The following CLNK variants were observed in gnomAD, a reference collection of about 807,000 sequenced individuals.
CLNK encodes cytokine dependent hematopoietic cell linker.
In CLNK, 74 loss-of-function variants were observed where a neutral mutation model predicts 68.6. That is an observed-to-expected ratio of 1.08 (90% CI 0.89 to 1.31). The LOEUF (loss-of-function observed/expected upper bound fraction) is 1.31, where lower values mean the gene tolerates loss of function less well. Ranked by LOEUF, CLNK falls within the 50% of genes most tolerant of loss-of-function variation. The pLI is 0.00. For synonymous variants in CLNK, 198 were observed against 172.2 expected (o/e 1.15, Z -1.17); for missense variants, 553 against 515.3 (o/e 1.07, Z -0.71).
intron 2 of CLNK, among the ~76,000 whole-genome samples, chr4:10,608,956 T>G (rs1721898278): frequency 6.6e-6 from 1 of 152,228 alleles, no homozygotes; most frequent in East Asian, 1.9e-4. Flanking sequence ...CTTACATTTC[T>G]TCTTAGAAGA....
upstream of CLNK, chr4:10,684,782 T>A (rs1725209908): frequency 6.6e-6 from 1 of 152,180 alleles, no homozygotes; most frequent in African/African-American, 2.4e-5. Flanking sequence ...GTGGGTTGAA[T>A]TCTTCTCGAT....
chr4:10,663,622 A>G (rs1371582225), intron 2 of CLNK, among the ~76,000 whole-genome samples: 1 of 152,236 alleles, frequency 6.6e-6, no homozygotes, highest in Non-Finnish European at 1.5e-5. Context: ...ATATATACCC[A>G]TAGGTTCACA....
intron 14 of CLNK, among the ~76,000 whole-genome samples, chr4:10,522,013 C>T (rs1469884014): frequency 6.6e-6 from 1 of 152,080 alleles, no homozygotes; most frequent in Non-Finnish European, 1.5e-5. Flanking sequence ...AATCCCAGAA[C>T]TTTGGGAGGC....
chr4:10,662,759 AAG>A (rs1724242876), intron 2 of CLNK, among the ~76,000 whole-genome samples: 1 of 152,170 alleles, frequency 6.6e-6, no homozygotes, highest in African/African-American at 2.4e-5. Flanking sequence ...AAAATAAACT[AAG>A]ACAACTGTAG....
chr4:10,715,248 G>C, the CLNK span, among the ~76,000 whole-genome samples: 1 of 152,076 alleles, frequency 6.6e-6, no homozygotes, highest in Admixed American at 6.6e-5. Flanking sequence ...TACTGACTTG[G>C]GAGTCAACTG....
At chr4:10,609,731 G>A (rs957175410) in intron 2 of CLNK, among the ~76,000 whole-genome samples, 4 of 152,250 alleles carry the variant, frequency 2.6e-5, no homozygotes, top group Non-Finnish European at 5.9e-5. Flanking sequence ...GCAAAGTGGA[G>A]GGTGGCATTT....
At chr4:10,570,608 C>T (rs2108827215) in intron 5 of CLNK, among the ~76,000 whole-genome samples, 1 of 152,006 alleles carries the variant, frequency 6.6e-6, no homozygotes, top group African/African-American at 2.4e-5. Flanking sequence ...GGTAAGGGTC[C>T]ATAAGCTTTA....
chr4:10,715,976 A>T, the CLNK span, among the ~76,000 whole-genome samples: 4 of 152,226 alleles, frequency 2.6e-5, no homozygotes, highest in East Asian at 7.7e-4. Flanking sequence ...GAAGAGGTGA[A>T]TTCTTTTCCT....
chr4:10,705,426 A>ATGAG, the CLNK span, among the ~76,000 whole-genome samples: 29 of 152,200 alleles, frequency 1.9e-4, no homozygotes, highest in African/African-American at 7.0e-4. Context: ...GAATTCCAAA[A>ATGAG]TGAGTCTCAC....
rs566115682 is a variant in CLNK, at chr4:10,520,880, G to A, written c.732-49C>T. ...CAAAGAATGTTAGTATTTCCCCTTG[G>A]TGGTAAAATTCCACTCAGAGGCAAG... is the stretch of plus-strand genomic sequence containing the variant. On this transcript the variant is annotated intron_variant, in intron 14 of 18. Coordinates refer to ENST00000226951, the MANE Select transcript of CLNK (RefSeq NM_052964.4). 25 of 1,439,942 alleles carry A rather than the reference G, an allele frequency of 1.7e-5. 1 individual carries two copies. The South Asian group carries it at 2.7e-4, about 15-fold the overall frequency. 89.2% of individuals were successfully genotyped at this position (1,439,942 alleles called of 1,614,324 possible). A position where few individuals can be genotyped will look rare whatever the true frequency, so the allele number is the denominator to read the frequency against.
chr4:10,533,522 AT>A (rs1296434722), intron 11 of CLNK, among the ~76,000 whole-genome samples: 1 of 152,222 alleles, frequency 6.6e-6, no homozygotes, highest in Non-Finnish European at 1.5e-5. Flanking sequence ...CAGTACTCAG[AT>A]GCTAGATCCC....
At chr4:10,497,811 A>G (rs1716872902) in intron 18 of CLNK, among the ~76,000 whole-genome samples, 1 of 152,268 alleles carries the variant, frequency 6.6e-6, no homozygotes, top group Non-Finnish European at 1.5e-5. Context: ...CATTTGGCCC[A>G]AGGCCCTGGC....
intron 15 of CLNK, among the ~76,000 whole-genome samples, chr4:10,517,884 T>C (rs1258033255): frequency 6.6e-6 from 1 of 152,194 alleles, no homozygotes; most frequent in Non-Finnish European, 1.5e-5. Flanking sequence ...CCAAGTAAAT[T>C]TTCCCTGAAA....
intron 18 of CLNK, among the ~76,000 whole-genome samples, chr4:10,491,471 C>T (rs181487158): frequency 7.2e-5 from 11 of 152,326 alleles, no homozygotes; most frequent in South Asian, 2.1e-4. Context: ...GGGACAACCA[C>T]GGGGCTGCTT....
chr4:10,638,205 C>T (rs941728917), intron 2 of CLNK, among the ~76,000 whole-genome samples: 25 of 152,184 alleles, frequency 1.6e-4, no homozygotes, highest in African/African-American at 5.5e-4. Flanking sequence ...CCTTACCATA[C>T]TGACAGCCAC....
At chr4:10,656,743 G>C (rs531688986) in intron 2 of CLNK, among the ~76,000 whole-genome samples, 120 of 152,230 alleles carry the variant, frequency 7.9e-4, no homozygotes, top group African/African-American at 2.5e-3. Context: ...CTATGCTTTA[G>C]GACATGTAAA....
At chr4:10,639,192 C>T (rs1723213413) in intron 2 of CLNK, among the ~76,000 whole-genome samples, 1 of 152,170 alleles carries the variant, frequency 6.6e-6, no homozygotes, top group Non-Finnish European at 1.5e-5. Flanking sequence ...AGTTTCAGGC[C>T]CTTTCTTGCA....
intron 15 of CLNK, among the ~76,000 whole-genome samples, chr4:10,514,023 C>G (rs1475978207): frequency 3.5e-5 from 4 of 115,510 alleles, no homozygotes; most frequent in Non-Finnish European, 5.2e-5. Flanking sequence ...CCCTCCCCAC[C>G]ACAGTCCCCA....
At chr4:10,605,196 T>C (rs1156852047) in intron 2 of CLNK, among the ~76,000 whole-genome samples, 1 of 152,190 alleles carries the variant, frequency 6.6e-6, no homozygotes, top group Non-Finnish European at 1.5e-5. Flanking sequence ...TCCCAGAAGC[T>C]TGTGAGACAT....
Sources: allele counts gnomAD v4.1 joint callset (sites outside exome capture counted in the v4.1 genomes callset), GRCh38; gene constraint gnomAD v4.1.1; transcripts MANE v1.5; gene names NCBI Gene and HGNC (gene_info 2026-07-23, HGNC 2026-07-21).